RORA: variants seen among roughly 807,000 people sequenced by gnomAD.
The protein encoded by RORA is RAR related orphan receptor A, also known as nuclear receptor ROR-alpha.
Under a neutral mutation model 69.5 loss-of-function variants are expected in RORA, and 7 were observed. The ratio of observed to expected loss-of-function variants is 0.10; its 90% CI spans 0.06 to 0.19. The LOEUF (loss-of-function observed/expected upper bound fraction) is 0.19. Ranked by LOEUF, RORA falls within the 10% of genes least tolerant of loss-of-function variation. The probability of loss-of-function intolerance (pLI) is 1.00; values close to 1 mark genes in which losing one functional copy is unlikely to be tolerated. For missense variants in RORA, 457 were observed against 663.0 expected, an observed-to-expected ratio of 0.69 and a Z score of 3.41; for synonymous variants, 261 against 240.8, an observed-to-expected ratio of 1.08 and a Z score of -0.78.
chr15:60,917,750 G>T (rs1372397057), intron 1 of RORA, among the ~76,000 whole-genome samples: 1 of 152,214 alleles, frequency 6.6e-6, no homozygotes, highest in Non-Finnish European at 1.5e-5. Context: ...AAGTTTCTTT[G>T]CGTGTAATCC....
At chr15:60,746,367 T>C (rs2071648619) in intron 1 of RORA, among the ~76,000 whole-genome samples, 1 of 152,172 alleles carries the variant, frequency 6.6e-6, no homozygotes, top group Non-Finnish European at 1.5e-5. Context: ...TTTCAGATGC[T>C]GAACATGTCA....
At chr15:61,143,602 T>C (rs368407655) in intron 1 of RORA, among the ~76,000 whole-genome samples, 13 of 152,328 alleles carry the variant, frequency 8.5e-5, no homozygotes, top group African/African-American at 3.1e-4. Context: ...GAAAAAATAG[T>C]TCAGAAATAA....
chr15:60,788,615 T>C (rs1945169326), intron 1 of RORA, among the ~76,000 whole-genome samples: 1 of 152,172 alleles, frequency 6.6e-6, no homozygotes, highest in African/African-American at 2.4e-5. Flanking sequence ...GTGCCTGGCC[T>C]AGCTTGGCCT....
chr15:60,939,261 A>T (rs1892616968), intron 1 of RORA, among the ~76,000 whole-genome samples: 1 of 152,116 alleles, frequency 6.6e-6, no homozygotes, highest in South Asian at 2.1e-4. Context: ...TGAACCAGGC[A>T]TTCTTTCAGC....
intron 1 of RORA, among the ~76,000 whole-genome samples, chr15:61,152,782 G>C (rs1307909628): frequency 2.6e-5 from 4 of 152,094 alleles, no homozygotes; most frequent in Admixed American, 2.0e-4. Context: ...CCAGGCTTTA[G>C]GTTAAGCTGG....
At chr15:60,691,560 A>AT in intron 1 of RORA, among the ~76,000 whole-genome samples, 1 of 152,308 alleles carries the variant, frequency 6.6e-6, no homozygotes, top group Middle Eastern at 3.4e-3. Context: ...CAAGAGGAGC[A>AT]TAGAGGGTGA....
intron 2 of RORA, among the ~76,000 whole-genome samples, chr15:60,629,822 G>A (rs907250821): frequency 1.8e-4 from 27 of 152,194 alleles, no homozygotes; most frequent in Non-Finnish European, 1.2e-4. Flanking sequence ...GGGGGATTAG[G>A]AATAACTGAG....
intron 1 of RORA, among the ~76,000 whole-genome samples, chr15:60,833,147 G>A (rs1414668767): frequency 1.3e-5 from 2 of 151,576 alleles, no homozygotes; most frequent in Admixed American, 6.6e-5. Flanking sequence ...CTCATGATCC[G>A]CCCGCCTCGG....
intron 3 of RORA, among the ~76,000 whole-genome samples, chr15:60,523,804 T>G (rs115735493): frequency 0.023 from 3,557 of 152,312 alleles, 139 homozygotes; most frequent in African/African-American, 0.081. Context: ...TCTCAGCAGC[T>G]GGGACCACAG....
chr15:60,909,269 G>T (rs1005553207), intron 1 of RORA, among the ~76,000 whole-genome samples: 2 of 152,212 alleles, frequency 1.3e-5, no homozygotes, highest in African/African-American at 4.8e-5. Flanking sequence ...GTCTCGGCCA[G>T]CCTCAGCCAC....
chr15:61,133,279 A>G (rs2079208494), intron 1 of RORA, among the ~76,000 whole-genome samples: 1 of 152,198 alleles, frequency 6.6e-6, no homozygotes, highest in Non-Finnish European at 1.5e-5. Context: ...AGAGAAAGCC[A>G]TTCTTCTTTG....
At chr15:61,003,240 A>G (rs1894803375) in intron 1 of RORA, among the ~76,000 whole-genome samples, 1 of 152,196 alleles carries the variant, frequency 6.6e-6, no homozygotes, top group South Asian at 2.1e-4. Context: ...TGCAGTTTAA[A>G]ACGAAAAGTA....
chr15:61,190,284 T>C (rs755482002), intron 1 of RORA, among the ~76,000 whole-genome samples: 7 of 152,188 alleles, frequency 4.6e-5, no homozygotes, highest in African/African-American at 7.2e-5. Flanking sequence ...AGGGGCATTT[T>C]CCTATTAACA....
At chr15:61,024,052 C>T (rs868548964) in intron 1 of RORA, among the ~76,000 whole-genome samples, 78 of 152,116 alleles carry the variant, frequency 5.1e-4, no homozygotes, top group African/African-American at 1.8e-3. Flanking sequence ...ACAAGTCCAA[C>T]CCTCTATAAA....
At chr15:60,513,742 G>A (rs1351931868) in intron 4 of RORA, among the ~76,000 whole-genome samples, 2 of 152,220 alleles carry the variant, frequency 1.3e-5, no homozygotes, top group Non-Finnish European at 2.9e-5. Context: ...TCGTGCCTAT[G>A]TAGATCTACA....
At chr15:61,202,691 A>G (rs903624142) in intron 1 of RORA, among the ~76,000 whole-genome samples, 13 of 152,128 alleles carry the variant, frequency 8.5e-5, no homozygotes, top group African/African-American at 3.1e-4. Context: ...TTCATGTAAG[A>G]AAGACTAGAA....
chr15:60,856,263 G>A (rs142208051), intron 1 of RORA, among the ~76,000 whole-genome samples: 9 of 152,306 alleles, frequency 5.9e-5, no homozygotes, highest in South Asian at 4.1e-4. Flanking sequence ...GGCATAGAAC[G>A]TTTTGCTTCT....
At chr15:61,001,610 T>C (rs1566939318) in intron 1 of RORA, among the ~76,000 whole-genome samples, 2 of 152,156 alleles carry the variant, frequency 1.3e-5, no homozygotes, top group Non-Finnish European at 2.9e-5. Flanking sequence ...TCAACAAGTA[T>C]CTCCTGAGTG....
intron 1 of RORA, among the ~76,000 whole-genome samples, chr15:61,105,956 T>C (rs782916): frequency 0.11 from 16,424 of 152,232 alleles, 1,084 homozygotes; most frequent in African/African-American, 0.17. Context: ...ACAAAATTAG[T>C]TGCCAGGAAA....
Sources: gnomAD v4.1 joint callset for allele counts (sites outside exome capture counted in the v4.1 genomes callset) on GRCh38, gnomAD v4.1.1 for gene constraint, MANE v1.5 for transcripts, NCBI Gene and HGNC (gene_info 2026-07-23, HGNC 2026-07-21) for gene names.